The following ZNF646 variants were observed in gnomAD, a reference collection of about 807,000 sequenced individuals.
ZNF646 encodes the protein zinc finger protein 646.
In ZNF646, 49 loss-of-function variants were observed where a neutral mutation model predicts 115.4. The observed-to-expected ratio is 0.42, with a 90% CI of 0.34 to 0.54. ZNF646 has a LOEUF of 0.54. Ranked by LOEUF, ZNF646 falls within the 20% of genes least tolerant of loss-of-function variation. The pLI is 0.04. For missense variants in ZNF646, 2,269 were observed against 2,457.9 expected, an observed-to-expected ratio of 0.92 and a Z score of 1.62; for synonymous variants, 933 against 939.0, an observed-to-expected ratio of 0.99 and a Z score of 0.12.
rs1415836514 is a variant in ZNF646, at chr16:31,077,969, C to T, written c.1645C>T (p.His549Tyr). Residue 549 changes from histidine (H) to tyrosine (Y), a missense_variant, in exon 2 of 3, where the codon CAC becomes TAC. By Grantham distance (83) the His-to-Tyr change is moderately conservative. Transcript: ENST00000300850. Reference sequence around the variant, plus strand: ...CCCAGTGGAGGCAGAGGCAGCCCCGCACACAGATCAGGACCATGTGTGCAA... The same window carrying T: ...CCCAGTGGAGGCAGAGGCAGCCCCGTACACAGATCAGGACCATGTGTGCAA... ...PDPVEAEAAPHTDQDHVCKHE... is the reference protein window; with the variant it reads ...PDPVEAEAAPYTDQDHVCKHE... 2 of 1,613,936 alleles carry T rather than the reference C, an allele frequency of 1.2e-6. No individual in the cohort carries two copies. Among genetic ancestry groups the T allele is most frequent in the African/African-American group, 2.7e-5 (2 of 75,050 alleles).
chr16:31,076,029 G>T (rs563688338), intron 1 of ZNF646: 123 of 368,078 alleles, frequency 3.3e-4, no homozygotes, highest in Non-Finnish European at 4.7e-4. Flanking sequence ...ATACCTGTAG[G>T]GATGACTTAA....
chr16:31,075,428 G>A (rs2057064649), intron 1 of ZNF646, among the ~76,000 whole-genome samples: 1 of 152,156 alleles, frequency 6.6e-6, no homozygotes. Flanking sequence ...CTCCTGAGTA[G>A]CTAGAATTAC....
Position 31,077,661 on chromosome 16 carries a change from C to G in ZNF646, c.1337C>G (p.Ala446Gly). ...PSVPPAPLLL[A>G]ETTHKEEEDP... Reference sequence around the variant, plus strand: ...GTCCCACCAGCTCCCCTGCTGCTGGCTGAGACCACCCACAAAGAGGAAGAG... The same window carrying G: ...GTCCCACCAGCTCCCCTGCTGCTGGGTGAGACCACCCACAAAGAGGAAGAG... Residue 446 changes from alanine to glycine, a missense_variant, in exon 2 of 3, where the codon GCT becomes GGT. Transcript: ENST00000300850. The G allele has an allele frequency of 6.2e-7, 1 of 1,614,054 alleles. No homozygotes were observed. The highest frequency in any genetic ancestry group is 8.5e-7 in the Non-Finnish European group (1 of 1,180,010).
In ZNF646 at chr16:31,080,883, A is replaced by C. The variant is rs1254007835; in HGVS notation, c.4559A>C (p.Asp1520Ala). The part of the protein sequence containing the change: ...LSHMDSWDNR[D>A]NSSQLQPGSH... ...CACATGGATAGCTGGGACAACAGAG[A>C]CAACAGCTCTCAGCTGCAGCCAGGG... The change falls in exon 2 of 3, where the codon GAC (aspartate) becomes GCC (alanine). Residue 1520 changes from aspartate (D) to alanine (A), a missense_variant. Coordinates refer to ENST00000300850, the MANE Select transcript of ZNF646 (RefSeq NM_014699.4). 6.2e-7 allele frequency: 1 copy of C among 1,614,100 alleles called. No individual in the cohort carries two copies. Among genetic ancestry groups the C allele is most frequent in the Non-Finnish European group, 8.5e-7 (1 of 1,180,016 alleles).
rs2057185224 is a variant in ZNF646, at chr16:31,082,999, A to C, written c.5406A>C (p.Arg1802Ser). The change falls in exon 3 of 3, where the codon AGA becomes AGC. Residue 1802 changes from arginine (R) to serine (S), a missense_variant. By Grantham distance (110) the Arg-to-Ser change is moderately radical (BLOSUM62 -1). Coordinates refer to ENST00000300850, the MANE Select transcript of ZNF646 (RefSeq NM_014699.4). ...SGAPVAPVTG[R>S]GDLPLPPPPT... ...CCCCAGTGGCACCAGTGACGGGCAG[A>C]GGGGACTTGCCATTGCCCCCTCCAC... The C allele has an allele frequency of 5.6e-6, 9 of 1,603,042 alleles. No homozygotes were observed. The South Asian group carries it at 1.0e-4, about 18-fold the overall frequency.
rs745489677 is a variant in ZNF646 at position 31,084,098 on chromosome 16, G to C, written c.*1006G>C. The C allele has an allele frequency of 1.9e-4, 290 of 1,554,876 alleles. No homozygotes were observed. The highest frequency in any genetic ancestry group is 2.4e-4 in the Non-Finnish European group (277 of 1,149,902). Reference sequence around the variant, plus strand: ...GGTCCTGGAGAGGCAGGGTTTGGCAGGAGGCCCCGGGGCCACATACTTATG... The same window carrying C: ...GGTCCTGGAGAGGCAGGGTTTGGCACGAGGCCCCGGGGCCACATACTTATG... On this transcript the variant is annotated 3_prime_UTR_variant, in exon 3 of 3. Coordinates refer to ENST00000300850, the MANE Select transcript of ZNF646 (RefSeq NM_014699.4).
intron 2 of ZNF646, 57 bp downstream of exon 2, chr16:31,081,758 A>C (rs766444959): frequency 4.7e-6 from 7 of 1,495,230 alleles, no homozygotes; most frequent in African/African-American, 1.4e-5. Context: ...GGGGAAGTCC[A>C]GCCCCAAAGT....
rs1231871627 is a variant in ZNF646, at chr16:31,081,625, C to G, written c.5301C>G (p.Pro1767=). The change falls in exon 2 of 3, where the codon CCC becomes CCG. Residue 1767 remains proline (P), a synonymous_variant. Transcript: ENST00000300850. The part of the protein sequence containing the change: ...REGPFTCPHC[P]RHFRRRISFV... ...GGCCTTTCACCTGCCCCCATTGTCC[C>G]CGCCACTTCCGCCGCCGAATCAGCT... is the stretch of plus-strand genomic sequence containing the variant. 1 of 1,608,524 alleles carries G rather than the reference C, an allele frequency of 6.2e-7. No homozygotes were observed. Among genetic ancestry groups the G allele is most frequent in the African/African-American group, 1.3e-5 (1 of 74,866 alleles).
In ZNF646 at chr16:31,076,388, G is replaced by C. The variant is rs1385031013; in HGVS notation, c.64G>C (p.Glu22Gln). ...DCQRHFPSLP[E>Q]LSRHRELLHP... ...TCAGCGCCACTTTCCCAGCCTCCCAGAGCTCTCTCGGCACCGAGAACTGCT... is the reference window on the plus strand; with the variant it reads ...TCAGCGCCACTTTCCCAGCCTCCCACAGCTCTCTCGGCACCGAGAACTGCT... The change falls in exon 2 of 3, where the codon GAG becomes CAG. Residue 22 changes from glutamate to glutamine, a missense_variant. Coordinates refer to ENST00000300850, the MANE Select transcript of ZNF646 (RefSeq NM_014699.4). 1 of 1,613,950 alleles carries C rather than the reference G, an allele frequency of 6.2e-7. No individual in the cohort carries two copies. The highest frequency in any genetic ancestry group is 1.3e-5 in the African/African-American group (1 of 75,000).
At chr16:31,073,305 CAGGGG>C (rs994795569), upstream of ZNF646, 2 of 152,494 alleles carry the variant, frequency 1.3e-5, no homozygotes, top group African/African-American at 4.8e-5. Flanking sequence ...CGGGCCTCAG[CAGGGG>C]AGGGGGCCGC....
chr16:31,080,458 T>C lies in ZNF646; in HGVS notation c.4134T>C (p.Ser1378=). 6.2e-7 allele frequency: 1 copy of C among 1,613,384 alleles called. No homozygotes were observed. Among genetic ancestry groups the C allele is most frequent in the Non-Finnish European group, 8.5e-7 (1 of 1,179,948 alleles). The stretch of plus-strand genomic sequence containing the variant: ...GCCGCAGCTTCCCTGGCCGGGGATC[T>C]TTGGAGCGGCACCTGCGGGAGCATG... The part of the protein sequence containing the change: ...LCGRSFPGRG[S]LERHLREHEE... The change falls in exon 2 of 3, where the codon TCT becomes TCC. Residue 1378 remains serine, a synonymous_variant. Transcript: ENST00000300850.
Position 31,083,974 on chromosome 16 carries a change from AAG to A in ZNF646, c.*884_*885del, listed in dbSNP as rs1478903025. ...GCCTGCTCCAAGTCACACGATGACA[AAG>A]AACCAGAATCTGAATCAAATGGGTC... On this transcript the variant is annotated 3_prime_UTR_variant, in exon 3 of 3. Coordinates refer to ENST00000300850, the MANE Select transcript of ZNF646 (RefSeq NM_014699.4). 6.7e-7 allele frequency: 1 copy of A among 1,500,770 alleles called. No individual in the cohort carries two copies. Among genetic ancestry groups the A allele is most frequent in the African/African-American group, 1.4e-5 (1 of 71,962 alleles). The allele number at this position is 1,500,770 out of a possible 1,614,324, so 93.0% of individuals were successfully genotyped here. A position where few individuals can be genotyped will look rare whatever the true frequency, so the allele number is the denominator to read the frequency against.
Position 31,078,211 on chromosome 16 carries a change from A to G in ZNF646, c.1887A>G (p.Ser629=), listed in dbSNP as rs72785532. 1.2e-6 allele frequency: 2 copies of G among 1,614,076 alleles called. No individual in the cohort carries two copies. The highest frequency in any genetic ancestry group is 1.3e-5 in the African/African-American group (1 of 75,070). ...CRDCGKSYRH[S]GSLINHRQTH... ...ACTGTGGAAAGAGCTATCGCCACTCAGGCAGCCTTATCAACCACAGGCAGA... is the reference window on the plus strand; with the variant it reads ...ACTGTGGAAAGAGCTATCGCCACTCGGGCAGCCTTATCAACCACAGGCAGA... The change falls in exon 2 of 3, where the codon TCA becomes TCG. Residue 629 remains serine (S), a synonymous_variant. Coordinates refer to ENST00000300850, the MANE Select transcript of ZNF646 (RefSeq NM_014699.4).
At position 31,077,150 on chromosome 16, in the gene ZNF646, T is replaced by C. The variant is rs2057087926; in HGVS notation, c.826T>C (p.Ser276Pro). 4 of 1,614,070 alleles carry C rather than the reference T, an allele frequency of 2.5e-6. No homozygotes were observed. The highest frequency in any genetic ancestry group is 3.4e-6 in the Non-Finnish European group (4 of 1,180,044). Reference protein sequence around the residue: ...YPCAICFKEFSNLMALKNHSR... With the variant: ...YPCAICFKEFPNLMALKNHSR... Reference sequence around the variant, plus strand: ...CTGTGCCATCTGTTTCAAGGAGTTCTCTAACCTCATGGCTCTGAAGAACCA... The same window carrying C: ...CTGTGCCATCTGTTTCAAGGAGTTCCCTAACCTCATGGCTCTGAAGAACCA... Residue 276 changes from serine (S) to proline (P), a missense_variant, in exon 2 of 3, where the codon TCT becomes CCT. This residue lies in a region of ZNF646 where 852 missense variants were observed against 900.2 expected (regional missense o/e 0.95). Transcript: ENST00000300850.
Position 31,077,970 on chromosome 16 carries a change from A to C in ZNF646, c.1646A>C (p.His549Pro). The change falls in exon 2 of 3, where the codon CAC (histidine) becomes CCC (proline). Residue 549 changes from histidine to proline, a missense_variant. By Grantham distance (77) the His-to-Pro change is moderately conservative (BLOSUM62 -2). Around this residue, in one of 5 missense-constraint regions of ZNF646, gnomAD observed 852 missense variants for 900.2 expected, o/e 0.95. Coordinates refer to ENST00000300850, the MANE Select transcript of ZNF646 (RefSeq NM_014699.4). ...CCAGTGGAGGCAGAGGCAGCCCCGC[A>C]CACAGATCAGGACCATGTGTGCAAA... ...PDPVEAEAAP[H>P]TDQDHVCKHE... 1 of 1,613,960 alleles carries C rather than the reference A, an allele frequency of 6.2e-7. No individual in the cohort carries two copies. The highest frequency in any genetic ancestry group is 8.5e-7 in the Non-Finnish European group (1 of 1,180,032).
rs2057095180 is a variant in ZNF646, at chr16:31,077,653, G to A, written c.1329G>A (p.Leu443=). The change falls in exon 2 of 3, where the codon CTG becomes CTA. Residue 443 remains leucine (L), a synonymous_variant. Transcript: ENST00000300850. Reference sequence around the variant, plus strand: ...AGCCATCAGTCCCACCAGCTCCCCTGCTGCTGGCTGAGACCACCCACAAAG... The same window carrying A: ...AGCCATCAGTCCCACCAGCTCCCCTACTGCTGGCTGAGACCACCCACAAAG... ...NGQPSVPPAP[L]LLAETTHKEE... 14 of 1,614,026 alleles carry A rather than the reference G, an allele frequency of 8.7e-6. No homozygotes were observed. In the East Asian group the frequency reaches 3.1e-4, roughly 36 times the overall value.
chr16:31,079,795 A>G lies in ZNF646; in HGVS notation c.3471A>G (p.Lys1157=). Residue 1157 remains lysine (K), a synonymous_variant, in exon 2 of 3, where the codon AAA becomes AAG. Transcript: ENST00000300850. The surrounding 1 kb of genome is among the most constrained non-coding windows in gnomAD (Gnocchi z 5.5). ...AEVEKLQEEL[K]VEPLEEVARV... is the part of the protein sequence containing the mutation. ...TCGAGAAGCTCCAGGAAGAACTTAA[A>G]GTGGAGCCCCTGGAGGAAGTGGCCA... The G allele has an allele frequency of 6.2e-7, 1 of 1,613,704 alleles. No individual in the cohort carries two copies. The highest frequency in any genetic ancestry group is 1.1e-5 in the South Asian group (1 of 91,066).
Position 31,077,897 on chromosome 16 carries a change from G to C in ZNF646, c.1573G>C (p.Gly525Arg). 1 of 1,613,636 alleles carries C rather than the reference G, an allele frequency of 6.2e-7. No individual in the cohort carries two copies. Among genetic ancestry groups the C allele is most frequent in the Non-Finnish European group, 8.5e-7 (1 of 1,180,010 alleles). ...CKAARRSADI[G>R]AEGAPSHLKV... is the part of the protein sequence containing the mutation. ...GGCTGCTCGCCGAAGTGCAGACATC[G>C]GGGCTGAGGGTGCCCCCAGCCACCT... is the stretch of plus-strand genomic sequence containing the variant. The change falls in exon 2 of 3, where the codon GGG becomes CGG. Residue 525 changes from glycine (G) to arginine (R), a missense_variant. Physicochemically the swap from Gly to Arg is moderately radical, Grantham distance 125. This residue lies in a region of ZNF646 where 852 missense variants were observed against 900.2 expected (regional missense o/e 0.95). Coordinates refer to ENST00000300850, the MANE Select transcript of ZNF646 (RefSeq NM_014699.4).
rs1295618897 is a variant in ZNF646 at position 31,076,741 on chromosome 16, C to G, written c.417C>G (p.Asn139Lys). ...TTGGCTCTAGTGAAGGCTGGGAAAA[C>G]CAGACAAAACATACAGAAGAGACAC... ...QRLGSSEGWE[N>K]QTKHTEETPD... The change falls in exon 2 of 3, where the codon AAC (asparagine) becomes AAG (lysine). Residue 139 changes from asparagine (N) to lysine (K), a missense_variant. Asn to Lys is a moderately conservative substitution (Grantham distance 94). Transcript: ENST00000300850. The G allele has an allele frequency of 6.2e-7, 1 of 1,613,738 alleles. No homozygotes were observed. Among genetic ancestry groups the G allele is most frequent in the Non-Finnish European group, 8.5e-7 (1 of 1,180,048 alleles).
Sources: allele counts gnomAD v4.1 joint callset (sites outside exome capture counted in the v4.1 genomes callset), GRCh38; gene constraint gnomAD v4.1.1; regional missense constraint gnomAD v4.1.1; non-coding constraint Gnocchi (gnomAD v3.1); transcripts MANE v1.5; gene names NCBI Gene and HGNC (gene_info 2026-07-23, HGNC 2026-07-21).